The following FAM149B1 variants were observed in gnomAD, a reference collection of about 807,000 sequenced individuals.
FAM149B1 encodes the protein primary cilium assembly protein FAM149B1.
Under a neutral mutation model 75.3 loss-of-function variants are expected in FAM149B1, and 56 were observed. That is an observed-to-expected ratio of 0.74 (90% CI 0.60 to 0.93). FAM149B1 has a LOEUF of 0.93. Among genes scored for constraint, FAM149B1 ranks in the 40% least tolerant of loss-of-function variants. FAM149B1 has a pLI of 0.00. For synonymous variants in FAM149B1, 259 were observed against 256.1 expected (o/e 1.01, Z -0.11); for missense variants, 639 against 708.4 (o/e 0.90, Z 1.11).
chr10:73,240,524 A>G (rs925588943), intron 13 of FAM149B1, among the ~76,000 whole-genome samples: 1 of 152,136 alleles, frequency 6.6e-6, no homozygotes, highest in Non-Finnish European at 1.5e-5. Flanking sequence ...CATCCTGGCT[A>G]ACATGGTGAA....
intron 3 of FAM149B1, among the ~76,000 whole-genome samples, chr10:73,183,730 C>T (rs933152168): frequency 6.6e-6 from 1 of 152,116 alleles, no homozygotes; most frequent in African/African-American, 2.4e-5. Flanking sequence ...TGACAAAAAG[C>T]ATATAACAAA....
chr10:73,173,149 C>A (rs1468940926), intron 1 of FAM149B1, among the ~76,000 whole-genome samples: 2 of 151,942 alleles, frequency 1.3e-5, no homozygotes, highest in East Asian at 3.9e-4. Context: ...AATTTTTTTA[C>A]CTTTTTATTT....
chr10:73,214,155 T>C (rs568121007), intron 7 of FAM149B1, among the ~76,000 whole-genome samples: 2 of 152,356 alleles, frequency 1.3e-5, no homozygotes, highest in South Asian at 4.1e-4. Context: ...TACTGATTTT[T>C]GGATCTTAAT....
intron 1 of FAM149B1, among the ~76,000 whole-genome samples, chr10:73,173,802 TGA>T (rs1302950338): frequency 6.6e-6 from 1 of 152,218 alleles, no homozygotes; most frequent in Non-Finnish European, 1.5e-5. Flanking sequence ...GTTCATCTGT[TGA>T]GTTTCTTCAA....
chr10:73,203,001 T>C (rs2042975739), intron 5 of FAM149B1, among the ~76,000 whole-genome samples: 1 of 152,224 alleles, frequency 6.6e-6, no homozygotes, highest in Non-Finnish European at 1.5e-5. Flanking sequence ...AGTTTACTTC[T>C]TTTTATGTAA....
intron 7 of FAM149B1, among the ~76,000 whole-genome samples, chr10:73,212,771 G>A (rs542172079): frequency 7.3e-4 from 109 of 148,982 alleles, no homozygotes; most frequent in African/African-American, 2.4e-3. Context: ...AACATCAGTC[G>A]TTTTTCATGT....
intron 13 of FAM149B1, among the ~76,000 whole-genome samples, chr10:73,240,684 G>C (rs921555746): frequency 1.1e-4 from 17 of 150,632 alleles, no homozygotes; most frequent in African/African-American, 3.7e-4. Flanking sequence ...TGCACCTCCA[G>C]CCTGGGGGGA....
At chr10:73,196,616 C>T (rs895595873) in intron 5 of FAM149B1, among the ~76,000 whole-genome samples, 1 of 151,836 alleles carries the variant, frequency 6.6e-6, no homozygotes, top group African/African-American at 2.4e-5. Context: ...CCATTCTTGC[C>T]CTCTCCAATA....
chr10:73,215,333 T>C (rs1219100081), intron 7 of FAM149B1, among the ~76,000 whole-genome samples: 2 of 152,172 alleles, frequency 1.3e-5, no homozygotes, highest in Non-Finnish European at 2.9e-5. Flanking sequence ...CTTTGTTTTT[T>C]TAGTTCCTTG....
rs1329432644 is a variant in FAM149B1, at chr10:73,232,968, C to T, written c.1157C>T (p.Pro386Leu). ...CTTGATGACAAGCTACTTATGAGGC[C>T]TGGGTCCAGTACCATCCTTTCAACT... ...LDLDDKLLMRPGSSTILSTRN... is the reference protein window; with the variant it reads ...LDLDDKLLMRLGSSTILSTRN... Residue 386 changes from proline (P) to leucine (L), a missense_variant, in exon 10 of 14, where the codon CCT (proline) becomes CTT (leucine). Pro to Leu is a moderately conservative substitution (Grantham distance 98). Transcript: ENST00000242505. The T allele has an allele frequency of 1.3e-6, 2 of 1,551,506 alleles. No homozygotes were observed. Among genetic ancestry groups the T allele is most frequent in the Admixed American group, 3.9e-5 (2 of 51,000 alleles).
At chr10:73,209,619 A>G (rs1271617437) in intron 6 of FAM149B1, among the ~76,000 whole-genome samples, 1 of 152,234 alleles carries the variant, frequency 6.6e-6, no homozygotes, top group Non-Finnish European at 1.5e-5. Flanking sequence ...TGGATAGGTG[A>G]GAATCAGAGT....
Position 73,177,872 on chromosome 10 carries a change from C to T in FAM149B1, c.179C>T (p.Ser60Phe). 1.3e-6 allele frequency: 2 copies of T among 1,551,798 alleles called. No individual in the cohort carries two copies. The highest frequency in any genetic ancestry group is 1.7e-6 in the Non-Finnish European group (2 of 1,146,960). ...QSKSDITRES[S>F]FTSADTGNSL... ...AAGTCTGACATCACAAGAGAATCAT[C>T]TTTTACATCAGCCGACACTGGGAAT... Residue 60 changes from serine (S) to phenylalanine (F), a missense_variant, in exon 3 of 14, where the codon TCT (serine) becomes TTT (phenylalanine). Ser to Phe is a radical substitution (Grantham distance 155, BLOSUM62 -2). Transcript: ENST00000242505.
At chr10:73,208,966 C>T (rs2043128354) in intron 6 of FAM149B1, among the ~76,000 whole-genome samples, 180 bp downstream of exon 6, 1 of 152,136 alleles carries the variant, frequency 6.6e-6, no homozygotes, top group African/African-American at 2.4e-5. Context: ...TACTAGACTT[C>T]CTTGTGTATT....
At chr10:73,187,662 G>A (rs1015600729) in intron 3 of FAM149B1, among the ~76,000 whole-genome samples, 4 of 151,988 alleles carry the variant, frequency 2.6e-5, no homozygotes, top group Admixed American at 6.6e-5. Context: ...CCAGGAGGTG[G>A]AGGTTGCTGT....
intron 9 of FAM149B1, among the ~76,000 whole-genome samples, chr10:73,232,225 A>AAAAT (rs1251165428): frequency 2.0e-5 from 3 of 152,176 alleles, no homozygotes; most frequent in Non-Finnish European, 1.5e-5. Flanking sequence ...AAAAGAAAAA[A>AAAAT]AAATACACAC....
At chr10:73,233,230 T>G in intron 10 of FAM149B1, 67 bp downstream of exon 10, 1 of 1,111,692 alleles carries the variant, frequency 9.0e-7, no homozygotes. Flanking sequence ...ACAGAATTAA[T>G]TTAAATATAA....
At chr10:73,187,893 G>A (rs1456368302) in intron 3 of FAM149B1, among the ~76,000 whole-genome samples, 1 of 152,024 alleles carries the variant, frequency 6.6e-6, no homozygotes, top group Non-Finnish European at 1.5e-5. Flanking sequence ...GACCAGCCTG[G>A]CCAACATGGT....
At chr10:73,225,627 A>T (rs1264355775) in intron 7 of FAM149B1, among the ~76,000 whole-genome samples, 6 of 152,230 alleles carry the variant, frequency 3.9e-5, no homozygotes, top group Non-Finnish European at 8.8e-5. Context: ...AGAAATTTTT[A>T]AAAATGTAGT....
At chr10:73,201,179 G>C in intron 5 of FAM149B1, 1 of 265,010 alleles carries the variant, frequency 3.8e-6, no homozygotes, top group East Asian at 9.8e-5. Flanking sequence ...AGATTTGTAT[G>C]CAATACTACA....
Sources: gnomAD v4.1 joint callset for allele counts (sites outside exome capture counted in the v4.1 genomes callset) on GRCh38, gnomAD v4.1.1 for gene constraint, MANE v1.5 for transcripts, NCBI Gene and HGNC (gene_info 2026-07-23, HGNC 2026-07-21) for gene names.